The following RNFT2 variants were observed in gnomAD, a reference collection of about 807,000 sequenced individuals.
RNFT2 encodes ring finger protein, transmembrane 2.
RNFT2 carries 36 observed loss-of-function variants against 53.0 expected under a neutral mutation model. The observed-to-expected ratio is 0.68, with a 90% CI of 0.52 to 0.90. RNFT2 has a LOEUF of 0.90. Ranked by LOEUF, RNFT2 falls within the 40% of genes least tolerant of loss-of-function variation. The pLI, the probability that RNFT2 is intolerant of heterozygous loss-of-function variation, is 0.00. For synonymous variants in RNFT2, 260 were observed against 253.2 expected, an observed-to-expected ratio of 1.03 and a Z score of -0.26; for missense variants, 514 against 585.6, an observed-to-expected ratio of 0.88 and a Z score of 1.26.
chr12:116,746,620 C>A (rs1296401087), intron 3 of RNFT2, among the ~76,000 whole-genome samples: 1 of 152,024 alleles, frequency 6.6e-6, no homozygotes, highest in Non-Finnish European at 1.5e-5. Context: ...AAGGTGATAG[C>A]CTGTAGTAGA....
intron 7 of RNFT2, among the ~76,000 whole-genome samples, chr12:116,825,032 A>T (rs114374110): frequency 0.017 from 2,613 of 152,230 alleles, 68 homozygotes; most frequent in African/African-American, 0.059. Flanking sequence ...TCTCCTCCCC[A>T]TGATATCTGC....
chr12:116,843,607 G>C (rs902145017), intron 10 of RNFT2, among the ~76,000 whole-genome samples: 6 of 151,264 alleles, frequency 4.0e-5, no homozygotes, highest in Admixed American at 1.3e-4. Flanking sequence ...TCCCAGCTGA[G>C]AAAGGGCTCC....
At chr12:116,811,419 A>G (rs1305158443) in intron 7 of RNFT2, among the ~76,000 whole-genome samples, 1 of 149,968 alleles carries the variant, frequency 6.7e-6, no homozygotes, top group Non-Finnish European at 1.5e-5. Flanking sequence ...TCTGTCGCCC[A>G]GGCTGGAGTG....
chr12:116,808,190 C>G (rs986543625), intron 7 of RNFT2, among the ~76,000 whole-genome samples: 1 of 152,154 alleles, frequency 6.6e-6, no homozygotes, highest in Non-Finnish European at 1.5e-5. Context: ...GTCTCAAACT[C>G]CTGACCTCAG....
chr12:116,841,944 TATAAATATATATATAG>T (rs1218600910), intron 10 of RNFT2, among the ~76,000 whole-genome samples: 368 of 26,612 alleles, frequency 0.014, 45 homozygotes, highest in African/African-American at 0.091. Context: ...TAAATATATA[TATAAATATATATATAG>T]AGAGAGAGAG....
Position 116,851,168 on chromosome 12 carries a change from TG to T in RNFT2, c.*1723del, listed in dbSNP as rs1344603211. The T allele has an allele frequency of 5.3e-5, 8 of 152,008 alleles. No individual in the cohort carries two copies. Among genetic ancestry groups the T allele is most frequent in the Admixed American group, 1.3e-4 (2 of 15,248 alleles). The allele number at this position is 152,008 out of a possible 1,614,324, so 9.4% of individuals were successfully genotyped here. A position where few individuals can be genotyped will look rare whatever the true frequency, so the allele number is the denominator to read the frequency against. On this transcript the variant is annotated 3_prime_UTR_variant, in exon 11 of 11. Transcript: ENST00000257575. The stretch of plus-strand genomic sequence containing the variant: ...CTTTCCCAGGGTCACCCAGCCAGCA[TG>T]GGCGGGCCAAGTTTCCAACAGAGGC...
In RNFT2 at chr12:116,742,330, C is replaced by T. The variant is rs189733347; in HGVS notation, c.83+1236C>T. Among the ~76,000 whole-genome samples, 7 of 148,772 alleles carry T rather than the reference C, an allele frequency of 4.7e-5. No homozygotes were observed. The East Asian group carries it at 1.4e-3, about 30-fold the overall frequency. Reference sequence around the variant, plus strand: ...TTGCCCAGGCTAGAATGCAGTGGCACGATCTCGGCTCACTGCAGCCTCGAC... The same window carrying T: ...TTGCCCAGGCTAGAATGCAGTGGCATGATCTCGGCTCACTGCAGCCTCGAC... On this transcript the variant is annotated intron_variant, in intron 3 of 10. Coordinates refer to ENST00000257575, the MANE Select transcript of RNFT2 (RefSeq NM_001382266.1).
At chr12:116,770,870 A>G (rs957027069) in intron 6 of RNFT2, among the ~76,000 whole-genome samples, 7 of 151,668 alleles carry the variant, frequency 4.6e-5, no homozygotes, top group Non-Finnish European at 1.0e-4. Context: ...TTTTTCATTC[A>G]TTCATTCTTT....
chr12:116,774,298 T>C (rs539354126), intron 6 of RNFT2, among the ~76,000 whole-genome samples: 2 of 152,296 alleles, frequency 1.3e-5, no homozygotes, highest in Non-Finnish European at 1.5e-5. Context: ...ACGGTACCTT[T>C]TATGTTATGT....
At chr12:116,757,028 T>G (rs1400709610) in intron 5 of RNFT2, among the ~76,000 whole-genome samples, 2 of 152,178 alleles carry the variant, frequency 1.3e-5, no homozygotes, top group African/African-American at 4.8e-5. Context: ...GTTTAGGGTA[T>G]CTAGTTCTTT....
chr12:116,815,467 T>C (rs1875604119), intron 7 of RNFT2, among the ~76,000 whole-genome samples: 1 of 152,184 alleles, frequency 6.6e-6, no homozygotes, highest in Non-Finnish European at 1.5e-5. Context: ...TTTCTTGTCT[T>C]TTCTAGCTTC....
chr12:116,792,292 T>A (rs1874277893), intron 7 of RNFT2, among the ~76,000 whole-genome samples: 1 of 152,142 alleles, frequency 6.6e-6, no homozygotes, highest in African/African-American at 2.4e-5. Flanking sequence ...TCAGGTGATC[T>A]GCCCACCTCG....
chr12:116,761,251 C>T (rs1450021299), intron 5 of RNFT2, among the ~76,000 whole-genome samples: 1 of 152,182 alleles, frequency 6.6e-6, no homozygotes, highest in Non-Finnish European at 1.5e-5. Flanking sequence ...CAGGTTCAAG[C>T]AATTCCTCTG....
chr12:116,833,904 T>C lies in RNFT2; in HGVS notation c.995T>C (p.Leu332Pro), dbSNP rs771109793. Residue 332 changes from leucine (L) to proline (P), a missense_variant, in exon 8 of 11, where the codon CTG becomes CCG. Around this residue, in one of 3 missense-constraint regions of RNFT2, gnomAD observed 273 missense variants for 334.4 expected, o/e 0.82. Coordinates refer to ENST00000257575, the MANE Select transcript of RNFT2 (RefSeq NM_001382266.1). ...MGDDSSNSYFLGGVLIVLYSL... is the reference protein window; with the variant it reads ...MGDDSSNSYFPGGVLIVLYSL... ...GACGACTCCTCCAACAGCTACTTCCTGGGCGGGGTCCTGATCGTTCTCTAC... is the reference window on the plus strand; with the variant it reads ...GACGACTCCTCCAACAGCTACTTCCCGGGCGGGGTCCTGATCGTTCTCTAC... 6 of 1,613,000 alleles carry C rather than the reference T, an allele frequency of 3.7e-6. No homozygotes were observed. The South Asian group carries it at 6.6e-5, about 18-fold the overall frequency.
chr12:116,761,711 A>G (rs1165348333), intron 5 of RNFT2, among the ~76,000 whole-genome samples: 1 of 152,178 alleles, frequency 6.6e-6, no homozygotes. Flanking sequence ...CTGAGGTCAC[A>G]CAGCCAGTGC....
At chr12:116,837,388 G>T (rs11831945) in intron 10 of RNFT2, among the ~76,000 whole-genome samples, 2,976 of 152,186 alleles carry the variant, frequency 0.02, 107 homozygotes, top group African/African-American at 0.069. Flanking sequence ...TGTCTCGGGG[G>T]ACTGAGGCAG....
In RNFT2 at chr12:116,766,753, C is replaced by T. The variant is rs141170097; in HGVS notation, c.628-61C>T. 1.1e-5 allele frequency: 14 copies of T among 1,279,278 alleles called. No homozygotes were observed. In the East Asian group the frequency reaches 3.5e-4, roughly 32 times the overall value. The allele number at this position is 1,279,278 out of a possible 1,614,324, so 79.2% of individuals were successfully genotyped here. On this transcript the variant is annotated intron_variant, in intron 5 of 10. Coordinates refer to ENST00000257575, the MANE Select transcript of RNFT2 (RefSeq NM_001382266.1). ...TGAAAAGCTGCCAGTCATCAGGGTA[C>T]ATTCTGGAAGGTTCTGCCACATGCA...
intron 2 of RNFT2, 195 bp from the exon 3 acceptor site, chr12:116,740,841 G>A: frequency 1.6e-6 from 1 of 637,432 alleles, no homozygotes; most frequent in South Asian, 1.9e-5. Flanking sequence ...TGGGGTGATA[G>A]CTTTCCTCAT....
chr12:116,779,316 C>T lies in RNFT2; in HGVS notation c.850C>T (p.Leu284=). 6.2e-7 allele frequency: 1 copy of T among 1,614,020 alleles called. No homozygotes were observed. Among genetic ancestry groups the T allele is most frequent in the Non-Finnish European group, 8.5e-7 (1 of 1,179,886 alleles). The change falls in exon 7 of 11, where the codon CTG becomes TTG. Residue 284 remains leucine, a synonymous_variant. Coordinates refer to ENST00000257575, the MANE Select transcript of RNFT2 (RefSeq NM_001382266.1). The part of the protein sequence containing the change: ...TIALKCLIVA[L]PKIILAVKSK... ...CGCCCTCAAGTGCCTCATCGTGGCC[C>T]TGCCCAAGATCATCCTGGCTGTCAA...
Sources: gnomAD v4.1 joint callset for allele counts (sites outside exome capture counted in the v4.1 genomes callset) on GRCh38, gnomAD v4.1.1 for gene constraint, gnomAD v4.1.1 regional missense constraint, MANE v1.5 for transcripts, NCBI Gene and HGNC (gene_info 2026-07-23, HGNC 2026-07-21) for gene names.